PLCB1: variants seen among roughly 807,000 people sequenced by gnomAD.
PLCB1 encodes 1-phosphatidylinositol 4,5-bisphosphate phosphodiesterase beta-1.
PLCB1 carries 46 observed loss-of-function variants against 161.8 expected under a neutral mutation model. That is an observed-to-expected ratio of 0.28 (90% CI 0.22 to 0.36). PLCB1 has a LOEUF of 0.36. Ranked by LOEUF, PLCB1 falls within the 10% of genes least tolerant of loss-of-function variation. PLCB1 has a pLI of 1.00. For synonymous variants in PLCB1, 517 were observed against 503.7 expected (o/e 1.03, Z -0.35); for missense variants, 1,016 against 1,472.5 (o/e 0.69, Z 5.07).
At chr20:8,175,583 A>G (rs1753024719) in intron 2 of PLCB1, among the ~76,000 whole-genome samples, 1 of 152,206 alleles carries the variant, frequency 6.6e-6, no homozygotes, top group Non-Finnish European at 1.5e-5. Flanking sequence ...AGGAAAACAC[A>G]TAGGAAAATC....
rs569222258 is a variant in PLCB1 at position 8,772,241 on chromosome 20, T to C, written c.2931-2298T>C. 7.2e-5 allele frequency among the ~76,000 whole-genome samples: 11 copies of C among 152,136 alleles called. No individual in the cohort carries two copies. In the East Asian group the frequency reaches 2.1e-3, roughly 29 times the overall value. On this transcript the variant is annotated intron_variant, in intron 26 of 31. Transcript: ENST00000338037. ...ACAGATGATAATATAGAGTACAAAA[T>C]TGGAATGAATCACACCAATTTCTTT...
At chr20:8,344,409 G>A (rs1985919716) in intron 2 of PLCB1, among the ~76,000 whole-genome samples, 1 of 152,168 alleles carries the variant, frequency 6.6e-6, no homozygotes, top group East Asian at 1.9e-4. Context: ...CTTTGGGTGG[G>A]AACAGTCACT....
chr20:8,852,920 G>A (rs552004825), intron 31 of PLCB1, among the ~76,000 whole-genome samples: 1 of 152,158 alleles, frequency 6.6e-6, no homozygotes, highest in Non-Finnish European at 1.5e-5. Flanking sequence ...CTGAGTGGTG[G>A]CCAGAAGTTA....
intron 4 of PLCB1, among the ~76,000 whole-genome samples, chr20:8,644,477 C>T (rs1427083304): frequency 1.3e-5 from 2 of 151,796 alleles, no homozygotes; most frequent in African/African-American, 2.4e-5. Flanking sequence ...AGCGCCTCTG[C>T]CCAGCCGCGA....
intron 3 of PLCB1, among the ~76,000 whole-genome samples, chr20:8,620,747 C>CAAAAAAAAAAAAAAAAAA (rs779029928): frequency 1.3e-5 from 1 of 75,250 alleles, no homozygotes; most frequent in Non-Finnish European, 2.6e-5. Flanking sequence ...CTGCCCCCAC[C>CAAAAAAAAAAAAAAAAAA]AAAAAAAAAA....
intron 31 of PLCB1, among the ~76,000 whole-genome samples, chr20:8,876,366 G>A (rs1398041834): frequency 6.6e-6 from 1 of 152,134 alleles, no homozygotes; most frequent in Non-Finnish European, 1.5e-5. Context: ...TGCTAGAAAG[G>A]CTCCAAGGCA....
intron 3 of PLCB1, among the ~76,000 whole-genome samples, chr20:8,531,017 A>G (rs893697442): frequency 3.7e-4 from 57 of 152,076 alleles, no homozygotes; most frequent in African/African-American, 1.3e-3. Context: ...GGTGACAGTA[A>G]TGAAAATTTA....
At chr20:8,692,038 A>G (rs1188672182) in intron 10 of PLCB1, among the ~76,000 whole-genome samples, 1 of 152,176 alleles carries the variant, frequency 6.6e-6, no homozygotes, top group African/African-American at 2.4e-5. Context: ...TTGGGAGATA[A>G]TGGCTTCAGA....
intron 3 of PLCB1, among the ~76,000 whole-genome samples, chr20:8,402,269 A>T (rs1348314346): frequency 6.6e-6 from 1 of 152,168 alleles, no homozygotes; most frequent in Non-Finnish European, 1.5e-5. Flanking sequence ...GATTAATGTT[A>T]TAACACTTTA....
rs1264692136 is a variant in PLCB1 at position 8,495,437 on chromosome 20, G to A, written c.246+123987G>A. On this transcript the variant is annotated intron_variant, in intron 3 of 31. Transcript: ENST00000338037. ...TTTTGAGACGGAGTCTCGCTGTGTC[G>A]CCCAGGATGGGGTGCAGTGGTGCCA... Among the ~76,000 whole-genome samples the A allele has an allele frequency of 9.8e-5, 13 of 132,160 alleles. No homozygotes were observed. In the South Asian group the frequency reaches 2.9e-3, roughly 30 times the overall value. 86.7% of individuals were successfully genotyped at this position (132,160 alleles called of 152,430 possible). A position where few individuals can be genotyped will look rare whatever the true frequency, so the allele number is the denominator to read the frequency against.
In PLCB1 at chr20:8,787,073, C is replaced by T. The variant is rs146412456; in HGVS notation, c.3112-1376C>T. 5.4e-3 allele frequency among the ~76,000 whole-genome samples: 827 copies of T among 152,326 alleles called. 4 individuals carry two copies. The highest frequency in any genetic ancestry group is 9.3e-3 in the Non-Finnish European group (630 of 68,032). ...AGTTAAAGTGTTGTAGGACCCTATC[C>T]TTAGTTCAGCTAAAGACGGGTTCCT... On this transcript the variant is annotated intron_variant, in intron 27 of 31. Transcript: ENST00000338037.
chr20:8,613,843 C>T (rs1377133266), intron 3 of PLCB1, among the ~76,000 whole-genome samples: 1 of 151,618 alleles, frequency 6.6e-6, no homozygotes, highest in South Asian at 2.1e-4. Flanking sequence ...AGAAAAATTA[C>T]AGTGAAAATA....
intron 4 of PLCB1, among the ~76,000 whole-genome samples, chr20:8,638,532 A>G (rs1988840485): frequency 6.6e-6 from 1 of 152,182 alleles, no homozygotes; most frequent in South Asian, 2.1e-4. Context: ...AAAAAGCATT[A>G]CACACCCATA....
intron 3 of PLCB1, among the ~76,000 whole-genome samples, chr20:8,416,840 C>T (rs916902811): frequency 2.6e-5 from 4 of 151,040 alleles, no homozygotes; most frequent in Non-Finnish European, 4.4e-5. Flanking sequence ...GATATAGTTG[C>T]AAATGGCAGG....
chr20:8,710,459 T>C (rs1298150036), intron 12 of PLCB1, among the ~76,000 whole-genome samples: 1 of 151,492 alleles, frequency 6.6e-6, no homozygotes, highest in Non-Finnish European at 1.5e-5. Context: ...TCACAATACT[T>C]GAGCACTTTT....
chr20:8,562,657 G>A (rs1385473504), intron 3 of PLCB1, among the ~76,000 whole-genome samples: 10 of 152,084 alleles, frequency 6.6e-5, no homozygotes, highest in Non-Finnish European at 1.5e-5. Flanking sequence ...ACTTAAAATT[G>A]CATTCTAAAA....
At chr20:8,184,323 C>T (rs1165159899) in intron 2 of PLCB1, among the ~76,000 whole-genome samples, 1 of 152,116 alleles carries the variant, frequency 6.6e-6, no homozygotes, top group Non-Finnish European at 1.5e-5. Flanking sequence ...AACAATTTCA[C>T]TGCAGAATAA....
chr20:8,862,094 A>G (rs1399012030), intron 31 of PLCB1, among the ~76,000 whole-genome samples: 2 of 152,218 alleles, frequency 1.3e-5, no homozygotes, highest in Admixed American at 6.5e-5. Context: ...GATACTATTT[A>G]TATTTCTGCT....
chr20:8,238,718 G>C (rs1980450088), intron 2 of PLCB1, among the ~76,000 whole-genome samples: 1 of 151,872 alleles, frequency 6.6e-6, no homozygotes, highest in Non-Finnish European at 1.5e-5. Flanking sequence ...ACGGAAAGGG[G>C]GCAAAATTGC....
Sources: allele counts gnomAD v4.1 joint callset (sites outside exome capture counted in the v4.1 genomes callset), GRCh38; gene constraint gnomAD v4.1.1; transcripts MANE v1.5; gene names NCBI Gene and HGNC (gene_info 2026-07-23, HGNC 2026-07-21).